Variants in USP13 observed in about 807,000 individuals in gnomAD.
The protein encoded by USP13 is ubiquitin specific peptidase 13, also known as ubiquitin carboxyl-terminal hydrolase 13.
In USP13, 68 loss-of-function variants were observed where a neutral mutation model predicts 107.8. The observed-to-expected ratio is 0.63, with a 90% CI of 0.52 to 0.77. The LOEUF is 0.77. Ranked by LOEUF, USP13 falls within the 30% of genes least tolerant of loss-of-function variation. The pLI is 0.00. For synonymous variants in USP13, 377 were observed against 389.5 expected (o/e 0.97, Z 0.38); for missense variants, 945 against 1,093.3 (o/e 0.86, Z 1.91).
At chr3:179,671,500 G>A (rs774555221) in intron 1 of USP13, among the ~76,000 whole-genome samples, 1 of 152,168 alleles carries the variant, frequency 6.6e-6, no homozygotes, top group Non-Finnish European at 1.5e-5. Flanking sequence ...ACATACGCCA[G>A]GAAGAGTGTG....
chr3:179,719,007 G>A (rs954945607), intron 6 of USP13, among the ~76,000 whole-genome samples: 10 of 152,028 alleles, frequency 6.6e-5, no homozygotes, highest in African/African-American at 1.7e-4. Flanking sequence ...CGCCTGCCTC[G>A]GCCTCCCAAA....
At chr3:179,753,613 G>A (rs1714685385) in intron 14 of USP13, among the ~76,000 whole-genome samples, 2 of 152,192 alleles carry the variant, frequency 1.3e-5, no homozygotes, top group South Asian at 4.1e-4. Context: ...TTAAGGAGCA[G>A]TTGTATTGAT....
intron 5 of USP13, among the ~76,000 whole-genome samples, chr3:179,708,268 G>A (rs1712793723): frequency 6.6e-6 from 1 of 152,022 alleles, no homozygotes; most frequent in Non-Finnish European, 1.5e-5. Context: ...GAGGCAGGCA[G>A]GGTGCTGAGT....
chr3:179,720,676 C>T lies in USP13; in HGVS notation c.900+642C>T, dbSNP rs116049736. Among the ~76,000 whole-genome samples the T allele has an allele frequency of 1.6e-3, 246 of 151,334 alleles. 1 individual carries two copies. Among genetic ancestry groups the T allele is most frequent in the African/African-American group, 5.6e-3 (231 of 41,214 alleles). ...GTTTAGTTTTTTCTGCTCTTCTTTA[C>T]ACCTCCCTCCTTTTTGTTTGCTGTG... On this transcript the variant is annotated intron_variant, in intron 7 of 20. Transcript: ENST00000263966.
At chr3:179,670,381 G>A (rs759584476) in intron 1 of USP13, among the ~76,000 whole-genome samples, 3 of 152,062 alleles carry the variant, frequency 2.0e-5, no homozygotes, top group Non-Finnish European at 4.4e-5. Flanking sequence ...TCCTTCTGCC[G>A]CTCACCCCCA....
intron 1 of USP13, among the ~76,000 whole-genome samples, chr3:179,672,278 GTA>G (rs1460316880): frequency 1.3e-5 from 2 of 152,184 alleles, no homozygotes; most frequent in African/African-American, 4.8e-5. Context: ...ACAATACAAA[GTA>G]GCAAATGAAT....
intron 10 of USP13, among the ~76,000 whole-genome samples, chr3:179,738,798 A>T (rs741430): frequency 6.6e-6 from 1 of 152,118 alleles, no homozygotes; most frequent in Non-Finnish European, 1.5e-5. Context: ...AGAAAACAGC[A>T]GTGCTGAAGC....
chr3:179,755,413 G>C (rs1265966019), intron 15 of USP13, among the ~76,000 whole-genome samples: 1 of 152,032 alleles, frequency 6.6e-6, no homozygotes, highest in Non-Finnish European at 1.5e-5. Flanking sequence ...TCCTGCCTCA[G>C]CCTCACGAGT....
At position 179,740,421 on chromosome 3, in the gene USP13, C is replaced by T. The variant is rs186040306; in HGVS notation, c.1380+49C>T. On this transcript the variant is annotated intron_variant, in intron 11 of 20. Transcript: ENST00000263966. The stretch of plus-strand genomic sequence containing the variant: ...GCTCAGCGGGGTTGTAAGAGGGTGC[C>T]GAGCCACTCAGTGCAGTCTGCTGTG... 1,069 of 1,610,254 alleles carry T rather than the reference C, an allele frequency of 6.6e-4. 8 individuals carry two copies. In the African/African-American group the frequency reaches 0.011, roughly 17 times the overall value.
In USP13 at chr3:179,778,414, G is replaced by A. The variant is rs192462902; in HGVS notation, c.2414-3325G>A. ...AAAACAAACTCCCTGTCCTTATGGA[G>A]CCTATTCTAGCCTGGGGTAAAAGCT... On this transcript the variant is annotated intron_variant, in intron 19 of 20. Transcript: ENST00000263966. Among the ~76,000 whole-genome samples, 8 of 152,302 alleles carry A rather than the reference G, an allele frequency of 5.3e-5. No individual in the cohort carries two copies. In the East Asian group the frequency reaches 1.5e-3, roughly 29 times the overall value.
At chr3:179,755,241 T>C (rs1365590897) in intron 15 of USP13, among the ~76,000 whole-genome samples, 1 of 152,180 alleles carries the variant, frequency 6.6e-6, no homozygotes, top group Non-Finnish European at 1.5e-5. Context: ...AAGGAAGAGA[T>C]TTGAGTTTCT....
At chr3:179,758,356 C>T (rs1714879405) in intron 16 of USP13, among the ~76,000 whole-genome samples, 1 of 152,132 alleles carries the variant, frequency 6.6e-6, no homozygotes, top group Non-Finnish European at 1.5e-5. Context: ...GAGCCTGCCT[C>T]TGACGGTGAG....
chr3:179,765,868 G>A lies in USP13; in HGVS notation c.2413+20G>A, dbSNP rs747135612. On this transcript the variant is annotated intron_variant, in intron 19 of 20. Coordinates refer to ENST00000263966, the MANE Select transcript of USP13 (RefSeq NM_003940.3). Reference sequence around the variant, plus strand: ...CTGGAAGTAAGTTCTTGCCTTAGAGGCTGTCTGAGCAGTCAGAACTATACG... The same window carrying A: ...CTGGAAGTAAGTTCTTGCCTTAGAGACTGTCTGAGCAGTCAGAACTATACG... 1 of 1,611,596 alleles carries A rather than the reference G, an allele frequency of 6.2e-7. No homozygotes were observed. Among genetic ancestry groups the A allele is most frequent in the Non-Finnish European group, 8.5e-7 (1 of 1,178,800 alleles).
chr3:179,747,096 T>C (rs984909706), intron 13 of USP13, among the ~76,000 whole-genome samples: 19 of 152,200 alleles, frequency 1.2e-4, no homozygotes, highest in African/African-American at 4.1e-4. Flanking sequence ...ATCCTAGGAC[T>C]GCTCAGTTGT....
chr3:179,735,569 C>G (rs1404171803), intron 10 of USP13, among the ~76,000 whole-genome samples: 1 of 152,138 alleles, frequency 6.6e-6, no homozygotes, highest in Non-Finnish European at 1.5e-5. Flanking sequence ...CTTCACTCTT[C>G]TCTTTCATTT....
chr3:179,748,524 G>T (rs2108520682), intron 13 of USP13, among the ~76,000 whole-genome samples: 1 of 152,276 alleles, frequency 6.6e-6, no homozygotes, highest in East Asian at 1.9e-4. Flanking sequence ...GGCGGATCTT[G>T]CATCAGTATG....
chr3:179,730,870 T>C (rs1465912605), intron 10 of USP13, among the ~76,000 whole-genome samples, 161 bp downstream of exon 10: 1 of 152,176 alleles, frequency 6.6e-6, no homozygotes. Flanking sequence ...CTCTTAAAAA[T>C]TGTGACAAGG....
chr3:179,757,192 T>C (rs1227458565), intron 16 of USP13, 114 bp downstream of exon 16: 3 of 1,256,148 alleles, frequency 2.4e-6, no homozygotes, highest in East Asian at 2.3e-5. Flanking sequence ...TGTGCAGCTT[T>C]TCCCAGGTGG....
At chr3:179,724,224 G>A (rs1039189905) in intron 8 of USP13, among the ~76,000 whole-genome samples, 4 of 151,890 alleles carry the variant, frequency 2.6e-5, no homozygotes, top group African/African-American at 4.8e-5. Context: ...TTGGGAGGCC[G>A]AGGTGGACAG....
Sources: allele counts gnomAD v4.1 joint callset (sites outside exome capture counted in the v4.1 genomes callset), GRCh38; gene constraint gnomAD v4.1.1; transcripts MANE v1.5; gene names NCBI Gene and HGNC (gene_info 2026-07-23, HGNC 2026-07-21).